The following PPP1R21 variants were observed in gnomAD, a reference collection of about 807,000 sequenced individuals.
PPP1R21 encodes the protein KLRAQ motif containing 1.
PPP1R21 carries 85 observed loss-of-function variants against 112.8 expected under a neutral mutation model. The ratio of observed to expected loss-of-function variants is 0.75; its 90% CI spans 0.63 to 0.90. The LOEUF (loss-of-function observed/expected upper bound fraction) is 0.90, where lower values mean the gene tolerates loss of function less well. Ranked by LOEUF, PPP1R21 falls within the 40% of genes least tolerant of loss-of-function variation. PPP1R21 has a pLI of 0.00. For synonymous variants in PPP1R21, 381 were observed against 322.3 expected (o/e 1.18, Z -1.95); for missense variants, 1,199 against 901.5 (o/e 1.33, Z -4.23).
intron 2 of PPP1R21, among the ~76,000 whole-genome samples, chr2:48,452,556 ATT>A (rs919779609): frequency 6.8e-6 from 1 of 146,426 alleles, no homozygotes. Context: ...AAAATAAATT[ATT>A]TTTTTTTTTA....
At position 48,461,146 on chromosome 2, in the gene PPP1R21, A is replaced by C. The variant is rs546913139; in HGVS notation, c.608A>C (p.Gln203Pro). ...CRLRTEECQL[Q>P]LKTLHEDLSG... Reference sequence around the variant, plus strand: ...TTTTTTTTTTTTTGCAGTCAATTACAGTTAAAGACTCTTCATGAAGATTTG... The same window carrying C: ...TTTTTTTTTTTTTGCAGTCAATTACCGTTAAAGACTCTTCATGAAGATTTG... Residue 203 changes from glutamine to proline, a missense_variant, in exon 7 of 22, where the codon CAG becomes CCG. Transcript: ENST00000294952. 6.4e-7 allele frequency: 1 copy of C among 1,572,860 alleles called. No individual in the cohort carries two copies. Among genetic ancestry groups the C allele is most frequent in the East Asian group, 2.3e-5 (1 of 43,460 alleles).
chr2:48,505,911 C>T (rs1200409041), intron 18 of PPP1R21, among the ~76,000 whole-genome samples: 2 of 152,132 alleles, frequency 1.3e-5, no homozygotes, highest in African/African-American at 4.8e-5. Flanking sequence ...AGGCTGAGAG[C>T]CGTGTTAGTC....
At chr2:48,514,073 CTTTT>C (rs1225415838) in intron 21 of PPP1R21, among the ~76,000 whole-genome samples, 69 of 89,888 alleles carry the variant, frequency 7.7e-4, no homozygotes, top group African/African-American at 2.8e-3. Context: ...GAGACATGTT[CTTTT>C]TTTTTTTTTT....
At chr2:48,450,112 A>C (rs1220708552) in intron 1 of PPP1R21, among the ~76,000 whole-genome samples, 4 of 152,220 alleles carry the variant, frequency 2.6e-5, no homozygotes, top group African/African-American at 9.6e-5. Context: ...CTGTGAAAAA[A>C]AGCCCAAGTT....
intron 1 of PPP1R21, among the ~76,000 whole-genome samples, chr2:48,449,345 T>A (rs1352805928): frequency 6.6e-6 from 1 of 152,220 alleles, no homozygotes; most frequent in African/African-American, 2.4e-5. Context: ...AATTTACCCA[T>A]TCTATAGACC....
Position 48,471,149 on chromosome 2 carries a change from T to C in PPP1R21, c.960T>C (p.His320=), listed in dbSNP as rs763597931. Residue 320 remains histidine, a synonymous_variant, in exon 10 of 22, where the codon CAT becomes CAC. Coordinates refer to ENST00000294952, the MANE Select transcript of PPP1R21 (RefSeq NM_001135629.3). ...YVRPLEEGML[H]LFESITEDTV... ...GCCCTCTTGAGGAAGGAATGCTTCA[T>C]TTATTTGAAAGTATCACTGAGGATA... 6.2e-7 allele frequency: 1 copy of C among 1,613,288 alleles called. No homozygotes were observed. Among genetic ancestry groups the C allele is most frequent in the South Asian group, 1.1e-5 (1 of 91,050 alleles).
chr2:48,468,642 G>A (rs1352062039), intron 9 of PPP1R21, among the ~76,000 whole-genome samples: 1 of 151,708 alleles, frequency 6.6e-6, no homozygotes, highest in Non-Finnish European at 1.5e-5. Flanking sequence ...GTGAAACCCC[G>A]TCTCTACCAA....
chr2:48,458,942 AT>A (rs1373704300), intron 4 of PPP1R21, among the ~76,000 whole-genome samples: 5 of 151,942 alleles, frequency 3.3e-5, no homozygotes, highest in Non-Finnish European at 7.4e-5. Context: ...AATACAAAAA[AT>A]TAGCCAGGCG....
intron 1 of PPP1R21, 51 bp downstream of exon 1, chr2:48,441,061 T>G (rs1221517957): frequency 7.3e-7 from 1 of 1,367,194 alleles, no homozygotes; most frequent in East Asian, 2.3e-5. Flanking sequence ...CGGCCTCAGG[T>G]TGCCGTGGCA....
intron 3 of PPP1R21, among the ~76,000 whole-genome samples, chr2:48,455,292 A>G (rs1667671915): frequency 1.3e-5 from 2 of 152,006 alleles, no homozygotes; most frequent in Admixed American, 6.6e-5. Flanking sequence ...GATTGCGGGC[A>G]TGTGGCACTC....
chr2:48,448,709 C>G (rs1667353542), intron 1 of PPP1R21, among the ~76,000 whole-genome samples: 1 of 152,190 alleles, frequency 6.6e-6, no homozygotes, highest in Non-Finnish European at 1.5e-5. Flanking sequence ...TTATTCAAGA[C>G]TATGTTGATA....
chr2:48,480,754 G>C (rs558277127), intron 13 of PPP1R21, among the ~76,000 whole-genome samples: 2 of 152,162 alleles, frequency 1.3e-5, no homozygotes, highest in Non-Finnish European at 2.9e-5. Context: ...AAATAGTCCA[G>C]GTGCCTGGAT....
chr2:48,506,141 C>G (rs1670364133), intron 18 of PPP1R21, among the ~76,000 whole-genome samples: 1 of 152,226 alleles, frequency 6.6e-6, no homozygotes, highest in Admixed American at 6.5e-5. Flanking sequence ...ATTGCCCATA[C>G]TGAAGTGCAG....
rs558740664 is a variant in PPP1R21, at chr2:48,463,362, G to A, written c.695-1575G>A. Among the ~76,000 whole-genome samples, 13 of 152,220 alleles carry A rather than the reference G, an allele frequency of 8.5e-5. No homozygotes were observed. The South Asian group carries it at 2.7e-3, about 32-fold the overall frequency. On this transcript the variant is annotated intron_variant, in intron 7 of 21. Transcript: ENST00000294952. ...CGCATTGCTGTGGAGAGGTCAGAGGGTGATGTATCAAGGCGACTGGGTTTG... is the reference window on the plus strand; with the variant it reads ...CGCATTGCTGTGGAGAGGTCAGAGGATGATGTATCAAGGCGACTGGGTTTG...
At chr2:48,507,108 C>T (rs1487403753) in intron 18 of PPP1R21, 161 bp from the exon 19 acceptor site, 7 of 1,008,600 alleles carry the variant, frequency 6.9e-6, no homozygotes, top group Non-Finnish European at 9.4e-6. Context: ...TATACACTTC[C>T]CTGCTATGTC....
In PPP1R21 at chr2:48,505,716, AG is replaced by A. The variant is rs1422589388; in HGVS notation, c.1968+121del. 4.8e-6 allele frequency: 4 copies of A among 836,818 alleles called. No individual in the cohort carries two copies. The African/African-American group carries it at 6.7e-5, about 14-fold the overall frequency. 51.8% of individuals were successfully genotyped at this position (836,818 alleles called of 1,614,324 possible). ...GTTGTTGTTTTTTCCTGACACTTCT[AG>A]CAAATGTGGAGCCAGTGTTTTCCAC... is the stretch of plus-strand genomic sequence containing the variant. On this transcript the variant is annotated intron_variant, in intron 18 of 21. Transcript: ENST00000294952.
At chr2:48,483,977 C>T (rs775735903) in intron 13 of PPP1R21, among the ~76,000 whole-genome samples, 20 of 152,056 alleles carry the variant, frequency 1.3e-4, no homozygotes, top group Admixed American at 2.0e-4. Flanking sequence ...CATGAACTAC[C>T]GTGCCCAGCC....
chr2:48,479,557 G>A, intron 12 of PPP1R21: 1 of 485,836 alleles, frequency 2.1e-6, no homozygotes, highest in Non-Finnish European at 4.2e-6. Context: ...TGATATTTGG[G>A]TAAGAGTGTT....
At chr2:48,444,067 C>T (rs965680845) in intron 1 of PPP1R21, among the ~76,000 whole-genome samples, 1 of 151,852 alleles carries the variant, frequency 6.6e-6, no homozygotes, top group Non-Finnish European at 1.5e-5. Context: ...AAACAGTGGT[C>T]TGAGGAGCTC....
Sources: gnomAD v4.1 joint callset for allele counts (sites outside exome capture counted in the v4.1 genomes callset) on GRCh38, gnomAD v4.1.1 for gene constraint, MANE v1.5 for transcripts, NCBI Gene and HGNC (gene_info 2026-07-23, HGNC 2026-07-21) for gene names.